The following FAM169A variants were observed in gnomAD, a reference collection of about 807,000 sequenced individuals.
FAM169A encodes family with sequence similarity 169 member A, also known as soluble lamin-associated protein of 75 kDa.
FAM169A carries 24 observed loss-of-function variants against 75.7 expected under a neutral mutation model. That is an observed-to-expected ratio of 0.32 (90% CI 0.23 to 0.45). The LOEUF (loss-of-function observed/expected upper bound fraction) is 0.45, where lower values mean the gene tolerates loss of function less well. Among genes scored for constraint, FAM169A ranks in the 20% least tolerant of loss-of-function variants. The pLI is 1.00. For synonymous variants in FAM169A, 271 were observed against 271.0 expected, an observed-to-expected ratio of 1.00 and a Z score of 0.00; for missense variants, 673 against 784.0, an observed-to-expected ratio of 0.86 and a Z score of 1.69.
chr5:74,814,621 G>A (rs1051523540), intron 5 of FAM169A, among the ~76,000 whole-genome samples: 1 of 152,130 alleles, frequency 6.6e-6, no homozygotes, highest in Non-Finnish European at 1.5e-5. Flanking sequence ...AAAATTTCCT[G>A]TAGATACAAT....
At chr5:74,786,571 G>C (rs760093191) in intron 11 of FAM169A, among the ~76,000 whole-genome samples, 14 of 152,196 alleles carry the variant, frequency 9.2e-5, no homozygotes, top group South Asian at 2.1e-4. Context: ...TAATACCTTT[G>C]ACCATATGGA....
chr5:74,799,943 G>C, intron 10 of FAM169A: 1 of 833,512 alleles, frequency 1.2e-6, no homozygotes, highest in Non-Finnish European at 2.1e-6. Context: ...GCTCCAACAT[G>C]GCTTTGAAGA....
intron 1 of FAM169A, among the ~76,000 whole-genome samples, chr5:74,860,605 T>C (rs1749979726): frequency 6.6e-6 from 1 of 152,144 alleles, no homozygotes; most frequent in Non-Finnish European, 1.5e-5. Flanking sequence ...GAGAGGGATC[T>C]AGGCCAATAA....
In FAM169A at chr5:74,801,014, A is replaced by G; in HGVS notation, c.969T>C (p.Ser323=). The G allele has an allele frequency of 6.4e-7, 1 of 1,559,920 alleles. No individual in the cohort carries two copies. Among genetic ancestry groups the G allele is most frequent in the South Asian group, 1.2e-5 (1 of 82,544 alleles). The part of the protein sequence containing the change: ...ASTSEGHDKT[S]VSTHTRSGNL... The stretch of plus-strand genomic sequence containing the variant: ...TACCACTTCGAGTATGAGTGGAAAC[A>G]GATGTTTTATCATGACCTGAGGAGA... The change falls in exon 10 of 13, where the codon TCT becomes TCC. Residue 323 remains serine, a synonymous_variant. Coordinates refer to ENST00000687041, the MANE Select transcript of FAM169A (RefSeq NM_001376049.1).
intron 1 of FAM169A, among the ~76,000 whole-genome samples, chr5:74,864,199 A>G (rs1469500870): frequency 6.6e-6 from 1 of 151,128 alleles, no homozygotes; most frequent in Non-Finnish European, 1.5e-5. Context: ...AAAAGCACTT[A>G]ATTATTTTGT....
At chr5:74,855,574 T>C (rs1410800335) in intron 1 of FAM169A, among the ~76,000 whole-genome samples, 1 of 152,212 alleles carries the variant, frequency 6.6e-6, no homozygotes, top group Non-Finnish European at 1.5e-5. Flanking sequence ...TTGCCGTTTG[T>C]ATGTCTTTTT....
At chr5:74,836,892 G>A (rs1164626) in intron 4 of FAM169A, among the ~76,000 whole-genome samples, 7,798 of 151,462 alleles carry the variant, frequency 0.051, 267 homozygotes, top group Middle Eastern at 0.088. Flanking sequence ...AGGTTGCAGT[G>A]AGCCGAGATC....
chr5:74,784,109 C>G (rs1745547991), intron 11 of FAM169A, among the ~76,000 whole-genome samples: 1 of 152,026 alleles, frequency 6.6e-6, no homozygotes, highest in Non-Finnish European at 1.5e-5. Flanking sequence ...AGTCGAGAGA[C>G]ATATAATCTA....
intron 8 of FAM169A, among the ~76,000 whole-genome samples, chr5:74,803,343 A>C (rs1018052358): frequency 2.0e-5 from 3 of 152,118 alleles, no homozygotes; most frequent in Non-Finnish European, 4.4e-5. Flanking sequence ...GCTTATTCTC[A>C]AGTCTGAATT....
chr5:74,856,395 T>C (rs1264947772), intron 1 of FAM169A, among the ~76,000 whole-genome samples: 1 of 152,202 alleles, frequency 6.6e-6, no homozygotes, highest in Non-Finnish European at 1.5e-5. Flanking sequence ...GTTGACAATA[T>C]TGATTCTTCC....
intron 10 of FAM169A, chr5:74,799,754 T>C: frequency 8.9e-7 from 1 of 1,127,146 alleles, no homozygotes; most frequent in Non-Finnish European, 1.4e-6. Context: ...GTGTGTCATC[T>C]GTCTCAGACA....
intron 1 of FAM169A, among the ~76,000 whole-genome samples, chr5:74,843,014 C>T (rs78782507): frequency 0.024 from 3,622 of 151,350 alleles, 141 homozygotes; most frequent in African/African-American, 0.084. Context: ...AATTAGCATA[C>T]ATAAAGACAC....
At chr5:74,792,948 C>T (rs544293228) in intron 11 of FAM169A, among the ~76,000 whole-genome samples, 76 of 152,306 alleles carry the variant, frequency 5.0e-4, no homozygotes, top group African/African-American at 1.8e-3. Flanking sequence ...CTTGCACATG[C>T]ATGTTTATAG....
chr5:74,827,316 C>T (rs1441095800), intron 5 of FAM169A, among the ~76,000 whole-genome samples: 1 of 152,092 alleles, frequency 6.6e-6, no homozygotes, highest in Admixed American at 6.6e-5. Context: ...CTGTTACCAT[C>T]CATTGAACAA....
At chr5:74,837,337 C>A (rs1033665365) in intron 4 of FAM169A, among the ~76,000 whole-genome samples, 9 of 152,118 alleles carry the variant, frequency 5.9e-5, no homozygotes, top group Admixed American at 5.9e-4. Flanking sequence ...CCTTCAGTTT[C>A]TGTTCAAAGT....
intron 8 of FAM169A, among the ~76,000 whole-genome samples, chr5:74,804,148 A>G (rs773148369): frequency 6.6e-6 from 1 of 152,138 alleles, no homozygotes; most frequent in Non-Finnish European, 1.5e-5. Flanking sequence ...ATATACAGAT[A>G]CATGCTTTAT....
chr5:74,841,647 A>G lies in FAM169A; in HGVS notation c.30T>C (p.Asn10=). 1 of 1,613,186 alleles carries G rather than the reference A, an allele frequency of 6.2e-7. No homozygotes were observed. Among genetic ancestry groups the G allele is most frequent in the Non-Finnish European group, 8.5e-7 (1 of 1,179,482 alleles). The change falls in exon 2 of 13, where the codon AAT becomes AAC. Residue 10 remains asparagine (N), a synonymous_variant. Coordinates refer to ENST00000687041, the MANE Select transcript of FAM169A (RefSeq NM_001376049.1). The stretch of plus-strand genomic sequence containing the variant: ...AATTTTCCAATTCCTCATGGCTGCA[A>G]TTTTCCAGCATATCCACAGGGAATG... MAFPVDMLE[N]CSHEELENSA...
intron 4 of FAM169A, among the ~76,000 whole-genome samples, chr5:74,838,244 A>G (rs2112663589): frequency 6.6e-6 from 1 of 152,218 alleles, no homozygotes; most frequent in African/African-American, 2.4e-5. Flanking sequence ...CTTTTTAGGT[A>G]AGCAAAGTCT....
At chr5:74,866,777 C>G (rs369673864), upstream of FAM169A, 8 of 985,452 alleles carry the variant, frequency 8.1e-6, no homozygotes, top group Non-Finnish European at 9.6e-6. Context: ...TCGCATAGCC[C>G]GGTGGAGTTC....
Sources: gnomAD v4.1 joint callset for allele counts (sites outside exome capture counted in the v4.1 genomes callset) on GRCh38, gnomAD v4.1.1 for gene constraint, MANE v1.5 for transcripts, NCBI Gene and HGNC (gene_info 2026-07-23, HGNC 2026-07-21) for gene names.